The following SKAP1 variants were observed in gnomAD, a reference collection of about 807,000 sequenced individuals.
The protein encoded by SKAP1 is src kinase associated phosphoprotein 1, also known as src kinase-associated phosphoprotein 1.
SKAP1 carries 44 observed loss-of-function variants against 58.5 expected under a neutral mutation model. The observed-to-expected ratio is 0.75, with a 90% CI of 0.59 to 0.97. The LOEUF is 0.97. Among genes scored for constraint, SKAP1 ranks in the 50% least tolerant of loss-of-function variants. The pLI is 0.00. For missense variants in SKAP1, 390 were observed against 435.2 expected, an observed-to-expected ratio of 0.90 and a Z score of 0.92; for synonymous variants, 127 against 149.7, an observed-to-expected ratio of 0.85 and a Z score of 1.11.
intron 2 of SKAP1, among the ~76,000 whole-genome samples, chr17:48,392,855 C>CAAAA (rs71366868): frequency 0.029 from 4,124 of 140,324 alleles, 218 homozygotes; most frequent in African/African-American, 0.11. Flanking sequence ...GACTCGGTCT[C>CAAAA]AAAAAAAATA....
At chr17:48,436,321 C>A in the SKAP1 span, among the ~76,000 whole-genome samples, 1 of 152,206 alleles carries the variant, frequency 6.6e-6, no homozygotes, top group African/African-American at 2.4e-5. Context: ...ATCTGTCCAC[C>A]TCGGCCTCCC....
chr17:48,215,523 TA>T (rs2064928285), intron 4 of SKAP1, among the ~76,000 whole-genome samples: 1 of 152,212 alleles, frequency 6.6e-6, no homozygotes, highest in Non-Finnish European at 1.5e-5. Flanking sequence ...TTGGGCTTTT[TA>T]AAAAGGTATG....
rs139653073 is a variant in SKAP1, at chr17:48,162,073, C to A, written c.978+396G>T. ...CTCCGCCTCCCGGGTTCAAGCAATT[C>A]TCATGCCTCAGCCTCCCAAGTAGCT... is the stretch of plus-strand genomic sequence containing the variant. On this transcript the variant is annotated intron_variant, in intron 11 of 12. Transcript: ENST00000336915. 2.2e-3 allele frequency among the ~76,000 whole-genome samples: 334 copies of A among 152,240 alleles called. 3 individuals carry two copies. The highest frequency in any genetic ancestry group is 6.8e-3 in the Middle Eastern group (2 of 294).
chr17:48,391,137 A>G (rs1345127863), intron 2 of SKAP1, among the ~76,000 whole-genome samples: 1 of 152,192 alleles, frequency 6.6e-6, no homozygotes, highest in Admixed American at 6.5e-5. Context: ...CTGAACTTCA[A>G]TCTAAAATCT....
intron 10 of SKAP1, among the ~76,000 whole-genome samples, chr17:48,165,687 A>T (rs1438053112): frequency 1.3e-5 from 2 of 152,128 alleles, no homozygotes; most frequent in East Asian, 3.8e-4. Context: ...GGCATGAACC[A>T]CTGTGCCCGG....
intron 4 of SKAP1, chr17:48,248,865 AT>A (rs1249123939): frequency 6.6e-6 from 1 of 152,094 alleles, no homozygotes; most frequent in Non-Finnish European, 1.5e-5. Flanking sequence ...TTAAAAAAAA[AT>A]CATGTTATGT....
rs9910655 is a variant in SKAP1, at chr17:48,172,366, C to T, written c.827-1707G>A. On this transcript the variant is annotated intron_variant, in intron 9 of 12. Transcript: ENST00000336915. ...CGGTCAAAGTCATAACATAATTGGC[C>T]TAAGTTTCTTACTCCCATTAACCGG... 5.4e-3 allele frequency among the ~76,000 whole-genome samples: 826 copies of T among 152,240 alleles called. 11 individuals are homozygous for T. The highest frequency in any genetic ancestry group is 0.018 in the African/African-American group (741 of 41,530).
intron 11 of SKAP1, among the ~76,000 whole-genome samples, chr17:48,137,931 A>G (rs142450529): frequency 1.1e-4 from 16 of 152,204 alleles, no homozygotes; most frequent in Non-Finnish European, 2.1e-4. Context: ...TCTCCCTTCT[A>G]TCTTGTGGGG....
In SKAP1 at chr17:48,363,773, G is replaced by C. The variant is rs764316911; in HGVS notation, c.178+16C>G. 1.2e-6 allele frequency: 2 copies of C among 1,600,464 alleles called. No individual in the cohort carries two copies. Among genetic ancestry groups the C allele is most frequent in the Non-Finnish European group, 1.7e-6 (2 of 1,171,832 alleles). ...CATTTTTAGCATAAAACCATACGTG[G>C]TCAAAGAGGACTCACCTTGGGGCTG... On this transcript the variant is annotated intron_variant, in intron 3 of 12. Coordinates refer to ENST00000336915, the MANE Select transcript of SKAP1 (RefSeq NM_003726.4).
At chr17:48,211,343 G>A (rs2064871071) in intron 4 of SKAP1, among the ~76,000 whole-genome samples, 1 of 152,080 alleles carries the variant, frequency 6.6e-6, no homozygotes, top group Non-Finnish European at 1.5e-5. Flanking sequence ...TCAGGAGTGG[G>A]AGAATTTCTT....
chr17:48,220,088 CATT>C (rs2064983900), intron 4 of SKAP1, among the ~76,000 whole-genome samples: 1 of 152,178 alleles, frequency 6.6e-6, no homozygotes, highest in Non-Finnish European at 1.5e-5. Flanking sequence ...AATTTTCACA[CATT>C]GTTGGTGGGA....
intron 9 of SKAP1, 45 bp from the exon 10 acceptor site, chr17:48,170,704 C>A: frequency 9.1e-6 from 13 of 1,429,078 alleles, no homozygotes; most frequent in Non-Finnish European, 1.2e-5. Context: ...GGTTCACAGT[C>A]TCATGTTCTT....
chr17:48,174,484 T>C (rs1292973780), intron 9 of SKAP1, among the ~76,000 whole-genome samples: 1 of 152,192 alleles, frequency 6.6e-6, no homozygotes, highest in Non-Finnish European at 1.5e-5. Context: ...CTCAGATCTT[T>C]CCATGAAACT....
chr17:48,312,670 G>A (rs1282150798), intron 4 of SKAP1, among the ~76,000 whole-genome samples: 1 of 152,194 alleles, frequency 6.6e-6, no homozygotes, highest in Non-Finnish European at 1.5e-5. Context: ...CAAGACAAGG[G>A]TGAATTTCTG....
chr17:48,322,119 C>T (rs2066375149), intron 4 of SKAP1, among the ~76,000 whole-genome samples: 1 of 152,218 alleles, frequency 6.6e-6, no homozygotes, highest in South Asian at 2.1e-4. Flanking sequence ...AAGCCTACTA[C>T]CAACTTAAAG....
At chr17:48,189,302 T>C (rs538172474) in intron 5 of SKAP1, 121 bp downstream of exon 5, 10 of 741,136 alleles carry the variant, frequency 1.3e-5, no homozygotes, top group Non-Finnish European at 2.2e-5. Flanking sequence ...GCTTTGCTTT[T>C]GCCTTGTATC....
intron 2 of SKAP1, among the ~76,000 whole-genome samples, chr17:48,373,225 A>T (rs551104427): frequency 3.7e-4 from 56 of 152,330 alleles, no homozygotes; most frequent in African/African-American, 1.3e-3. Context: ...CCTTCTTCAC[A>T]GGGTGGCAGG....
intron 2 of SKAP1, among the ~76,000 whole-genome samples, chr17:48,381,145 G>C (rs1188152874): frequency 3.3e-5 from 5 of 152,092 alleles, no homozygotes; most frequent in African/African-American, 7.2e-5. Flanking sequence ...CCTTCCAGTG[G>C]CCTCAGCCCT....
intron 2 of SKAP1, among the ~76,000 whole-genome samples, chr17:48,385,341 C>T (rs1190600252): frequency 1.3e-5 from 2 of 151,320 alleles, no homozygotes; most frequent in African/African-American, 2.4e-5. Flanking sequence ...AAAATAGATG[C>T]AAAGACAGTA....
Sources: gnomAD v4.1 joint callset for allele counts (sites outside exome capture counted in the v4.1 genomes callset) on GRCh38, gnomAD v4.1.1 for gene constraint, MANE v1.5 for transcripts, NCBI Gene and HGNC (gene_info 2026-07-23, HGNC 2026-07-21) for gene names.